SPIDR: variants seen among roughly 807,000 people sequenced by gnomAD.
SPIDR encodes DNA repair-scaffolding protein.
In SPIDR, 93 loss-of-function variants were observed where a neutral mutation model predicts 104.6. The ratio of observed to expected loss-of-function variants is 0.89; its 90% CI spans 0.75 to 1.06. The LOEUF (loss-of-function observed/expected upper bound fraction) is 1.06. Ranked by LOEUF, SPIDR falls within the 50% of genes least tolerant of loss-of-function variation. The pLI, the probability that SPIDR is intolerant of heterozygous loss-of-function variation, is 0.00. For synonymous variants in SPIDR, 431 were observed against 416.9 expected, an observed-to-expected ratio of 1.03 and a Z score of -0.41; for missense variants, 1,154 against 1,111.2, an observed-to-expected ratio of 1.04 and a Z score of -0.55.
chr8:47,638,440 G>T (rs959092318), intron 10 of SPIDR, among the ~76,000 whole-genome samples: 5 of 152,090 alleles, frequency 3.3e-5, no homozygotes, highest in Admixed American at 2.0e-4. Flanking sequence ...CACCATACCC[G>T]GCCCAAATGC....
At chr8:47,388,593 G>A (rs1416000772) in intron 5 of SPIDR, 1 of 153,922 alleles carries the variant, frequency 6.5e-6, no homozygotes, top group African/African-American at 2.4e-5. Flanking sequence ...TCAAAATCTG[G>A]AGGAAAAAAA....
chr8:47,503,664 T>C (rs2080953395), intron 8 of SPIDR, among the ~76,000 whole-genome samples: 2 of 152,332 alleles, frequency 1.3e-5, no homozygotes, highest in Middle Eastern at 3.4e-3. Context: ...TGTGTGAATT[T>C]GATCCTGTCT....
intron 8 of SPIDR, among the ~76,000 whole-genome samples, chr8:47,499,265 C>G (rs2079946001): frequency 6.6e-6 from 1 of 152,170 alleles, no homozygotes; most frequent in Non-Finnish European, 1.5e-5. Flanking sequence ...GACAGAAGTT[C>G]ATGCAAAGTC....
At chr8:47,617,338 T>C (rs1239958909) in intron 10 of SPIDR, among the ~76,000 whole-genome samples, 6 of 152,220 alleles carry the variant, frequency 3.9e-5, no homozygotes, top group Admixed American at 6.5e-5. Context: ...ATTTGTGACA[T>C]AGACAACAAC....
chr8:47,545,811 T>G (rs903384087), intron 8 of SPIDR, among the ~76,000 whole-genome samples: 1 of 152,154 alleles, frequency 6.6e-6, no homozygotes, highest in Non-Finnish European at 1.5e-5. Flanking sequence ...TTCCCTCAAT[T>G]TCTAGTTTTC....
chr8:47,563,202 C>A (rs933998546), intron 8 of SPIDR, among the ~76,000 whole-genome samples: 4 of 152,054 alleles, frequency 2.6e-5, no homozygotes, highest in East Asian at 3.9e-4. Context: ...CATGGTCACA[C>A]CCTGTCGCCT....
At chr8:47,580,921 G>A (rs1353494494) in intron 8 of SPIDR, among the ~76,000 whole-genome samples, 1 of 152,212 alleles carries the variant, frequency 6.6e-6, no homozygotes, top group African/African-American at 2.4e-5. Flanking sequence ...GTTTTTAGTT[G>A]TAGAGGCAGA....
At chr8:47,439,450 C>G (rs1554694750) in intron 7 of SPIDR, among the ~76,000 whole-genome samples, 1 of 152,214 alleles carries the variant, frequency 6.6e-6, no homozygotes, top group Non-Finnish European at 1.5e-5. Context: ...TACTTCACCT[C>G]ATTTTAAGTG....
chr8:47,611,494 C>G (rs967286032), intron 10 of SPIDR, among the ~76,000 whole-genome samples: 1 of 151,992 alleles, frequency 6.6e-6, no homozygotes, highest in Non-Finnish European at 1.5e-5. Context: ...GTCAGGAGAT[C>G]GAGACCATCC....
At chr8:47,371,660 A>G (rs2058046417) in intron 5 of SPIDR, among the ~76,000 whole-genome samples, 1 of 152,120 alleles carries the variant, frequency 6.6e-6, no homozygotes, top group South Asian at 2.1e-4. Flanking sequence ...TTGGGGGGAG[A>G]CACATTCAGT....
intron 10 of SPIDR, among the ~76,000 whole-genome samples, chr8:47,606,768 G>C (rs557080292): frequency 3.0e-4 from 46 of 152,334 alleles, no homozygotes; most frequent in African/African-American, 1.1e-3. Flanking sequence ...CTCACCTGCT[G>C]TGTCCTGCTG....
chr8:47,531,924 G>T (rs1587285269), intron 8 of SPIDR, among the ~76,000 whole-genome samples: 2 of 152,100 alleles, frequency 1.3e-5, no homozygotes, highest in Non-Finnish European at 2.9e-5. Context: ...GGCAGAAAAA[G>T]AGTAGAATAC....
At chr8:47,352,913 G>A (rs2053812912) in intron 5 of SPIDR, among the ~76,000 whole-genome samples, 1 of 151,866 alleles carries the variant, frequency 6.6e-6, no homozygotes, top group South Asian at 2.1e-4. Context: ...AATTAGCTGG[G>A]CGTGGTGGCA....
intron 8 of SPIDR, among the ~76,000 whole-genome samples, chr8:47,539,417 A>T (rs923719674): frequency 5.3e-5 from 8 of 152,214 alleles, no homozygotes; most frequent in African/African-American, 1.9e-4. Context: ...CACAGGGCCC[A>T]TCCTACCTGG....
At chr8:47,587,686 A>G (rs1188722745) in intron 8 of SPIDR, among the ~76,000 whole-genome samples, 5 of 151,160 alleles carry the variant, frequency 3.3e-5, no homozygotes, top group Admixed American at 2.6e-4. Flanking sequence ...CCATCTAGTC[A>G]GGAAGCTAAA....
intron 10 of SPIDR, among the ~76,000 whole-genome samples, chr8:47,659,035 A>G (rs1588920429): frequency 6.6e-6 from 1 of 151,762 alleles, no homozygotes; most frequent in South Asian, 2.1e-4. Context: ...AGGCTGGTGG[A>G]TCACTTGAGT....
At chr8:47,445,651 C>T (rs548664893) in intron 8 of SPIDR, among the ~76,000 whole-genome samples, 2 of 152,198 alleles carry the variant, frequency 1.3e-5, no homozygotes, top group South Asian at 4.1e-4. Flanking sequence ...CCTCTTGTGC[C>T]AGTTAGGCTT....
intron 8 of SPIDR, among the ~76,000 whole-genome samples, chr8:47,446,688 G>T (rs1194388881): frequency 6.6e-6 from 1 of 151,622 alleles, no homozygotes; most frequent in African/African-American, 2.4e-5. Flanking sequence ...CCAGGTTCAA[G>T]TGATTCTCCT....
At chr8:47,732,049 T>G in intron 19 of SPIDR, 1 of 679,342 alleles carries the variant, frequency 1.5e-6, no homozygotes, top group Non-Finnish European at 2.7e-6. Flanking sequence ...AGCAGCTGCC[T>G]GGCATCCCTG....
Sources: gnomAD v4.1 joint callset for allele counts (sites outside exome capture counted in the v4.1 genomes callset) on GRCh38, gnomAD v4.1.1 for gene constraint, MANE v1.5 for transcripts, NCBI Gene and HGNC (gene_info 2026-07-23, HGNC 2026-07-21) for gene names.